SGCD: variants seen among roughly 807,000 people sequenced by gnomAD.
SGCD encodes the protein delta-sarcoglycan.
Under a neutral mutation model 36.6 loss-of-function variants are expected in SGCD, and 18 were observed. The ratio of observed to expected loss-of-function variants is 0.49; its 90% CI spans 0.34 to 0.73. The LOEUF is 0.73. Ranked by LOEUF, SGCD falls within the 30% of genes least tolerant of loss-of-function variation. The pLI, the probability that SGCD is intolerant of heterozygous loss-of-function variation, is 0.01. For missense variants in SGCD, 387 were observed against 346.7 expected, an observed-to-expected ratio of 1.12 and a Z score of -0.92; for synonymous variants, 133 against 130.6, an observed-to-expected ratio of 1.02 and a Z score of -0.12.
At chr5:156,564,448 TCAAAACAAAA>T (rs900672949) in intron 4 of SGCD, among the ~76,000 whole-genome samples, 1 of 152,056 alleles carries the variant, frequency 6.6e-6, no homozygotes, top group Non-Finnish European at 1.5e-5. Context: ...AGACTCCATC[TCAAAACAAAA>T]CAAAACAAAA....
chr5:155,917,249 G>A (rs1756764673), intron 1 of SGCD, among the ~76,000 whole-genome samples: 1 of 152,098 alleles, frequency 6.6e-6, no homozygotes, highest in Non-Finnish European at 1.5e-5. Context: ...ACCTAAAAGA[G>A]ATTACACTGA....
chr5:156,436,601 G>A (rs775587308), intron 3 of SGCD, among the ~76,000 whole-genome samples: 14 of 152,190 alleles, frequency 9.2e-5, no homozygotes, highest in Non-Finnish European at 1.6e-4. Context: ...GCTTGCCTAA[G>A]ATTACAAAGC....
chr5:156,341,124 C>T (rs572947741), intron 2 of SGCD, among the ~76,000 whole-genome samples: 29 of 152,184 alleles, frequency 1.9e-4, no homozygotes, highest in African/African-American at 6.7e-4. Context: ...GCAAAAGATC[C>T]AAGTTATAAT....
At chr5:156,303,300 T>C (rs1767106423) in intron 3 of SGCD, among the ~76,000 whole-genome samples, 1 of 152,114 alleles carries the variant, frequency 6.6e-6, no homozygotes, top group Non-Finnish European at 1.5e-5. Context: ...ACCATTGATG[T>C]TCACTCTAGG....
At chr5:156,353,014 G>T (rs1428999273) in intron 3 of SGCD, among the ~76,000 whole-genome samples, 2 of 152,202 alleles carry the variant, frequency 1.3e-5, no homozygotes, top group Non-Finnish European at 2.9e-5. Context: ...TCCACTGAGG[G>T]TCAGAGGAAG....
chr5:156,130,225 A>G (rs948941030), intron 3 of SGCD, among the ~76,000 whole-genome samples: 2 of 152,104 alleles, frequency 1.3e-5, no homozygotes, highest in Middle Eastern at 3.2e-3. Context: ...TTTGATTTGC[A>G]TTTCTCTAAT....
chr5:155,810,892 A>C, the SGCD span, among the ~76,000 whole-genome samples: 8 of 110,244 alleles, frequency 7.3e-5, no homozygotes, highest in African/African-American at 1.1e-4. Context: ...ATCTCGGCTC[A>C]CTGCAAGCTC....
intron 4 of SGCD, among the ~76,000 whole-genome samples, chr5:156,545,490 G>A (rs1758534750): frequency 6.8e-6 from 1 of 146,772 alleles, no homozygotes; most frequent in Non-Finnish European, 1.6e-5. Flanking sequence ...TGGGGGATGA[G>A]GGGGTAGTTG....
chr5:155,864,927 G>A, the SGCD span, among the ~76,000 whole-genome samples: 1 of 152,276 alleles, frequency 6.6e-6, no homozygotes, highest in East Asian at 1.9e-4. Flanking sequence ...TAGCTACCAG[G>A]ATCTATGCTG....
At chr5:156,559,244 T>C (rs907945819) in intron 4 of SGCD, among the ~76,000 whole-genome samples, 2 of 152,104 alleles carry the variant, frequency 1.3e-5, no homozygotes, top group African/African-American at 4.8e-5. Flanking sequence ...TGGGAGGTTT[T>C]CCATCATGAA....
chr5:156,454,086 T>TA (rs993600493), intron 3 of SGCD, among the ~76,000 whole-genome samples: 10 of 152,120 alleles, frequency 6.6e-5, no homozygotes, highest in Admixed American at 5.9e-4. Flanking sequence ...CATACTTTTT[T>TA]AAAAAAGTGT....
chr5:156,425,663 G>A (rs918443836), intron 3 of SGCD, among the ~76,000 whole-genome samples: 4 of 151,634 alleles, frequency 2.6e-5, no homozygotes, highest in African/African-American at 4.8e-5. Flanking sequence ...CCCATCACCC[G>A]AGCAGTGTAC....
At chr5:155,945,844 T>C (rs1217826491) in intron 1 of SGCD, among the ~76,000 whole-genome samples, 2 of 152,156 alleles carry the variant, frequency 1.3e-5, no homozygotes, top group Admixed American at 1.3e-4. Flanking sequence ...GAGCGACTTG[T>C]TGTGATTTGC....
At chr5:156,036,038 T>A (rs949009108) in intron 1 of SGCD, among the ~76,000 whole-genome samples, 1 of 152,186 alleles carries the variant, frequency 6.6e-6, no homozygotes, top group East Asian at 1.9e-4. Context: ...TCTAAATCCT[T>A]TAAAGGCTTT....
At chr5:155,872,866 T>C (rs575861325) in intron 1 of SGCD, among the ~76,000 whole-genome samples, 1 of 152,322 alleles carries the variant, frequency 6.6e-6, no homozygotes, top group East Asian at 1.9e-4. Flanking sequence ...TCGTTGTTAG[T>C]TGAAGTGTTT....
chr5:155,942,736 T>C (rs1276992334), intron 1 of SGCD, among the ~76,000 whole-genome samples: 1 of 152,156 alleles, frequency 6.6e-6, no homozygotes. Flanking sequence ...ATGTACAATA[T>C]GCAGGATACC....
chr5:155,931,739 G>A (rs915607079), intron 1 of SGCD, among the ~76,000 whole-genome samples: 2 of 152,182 alleles, frequency 1.3e-5, no homozygotes, highest in Admixed American at 6.5e-5. Context: ...TAGAAAGCCC[G>A]AGTTCGGATT....
intron 1 of SGCD, among the ~76,000 whole-genome samples, chr5:156,101,757 C>G (rs1052320348): frequency 6.6e-6 from 1 of 152,098 alleles, no homozygotes; most frequent in Admixed American, 6.6e-5. Context: ...TCTATATTTT[C>G]AGAGACTTTT....
rs148250112 is a variant in SGCD at position 156,646,556 on chromosome 5, A to G, written c.503-908A>G. 1.3e-4 allele frequency among the ~76,000 whole-genome samples: 20 copies of G among 152,324 alleles called. No homozygotes were observed. In the East Asian group the frequency reaches 3.9e-3, roughly 29 times the overall value. On this transcript the variant is annotated intron_variant, in intron 6 of 8. Transcript: ENST00000337851. ...ATATAATGGAGCATTTCTAGATGTT[A>G]TAACAATGTAAGAGGATTACAAAAA... is the stretch of plus-strand genomic sequence containing the variant.
Sources: gnomAD v4.1 joint callset for allele counts (sites outside exome capture counted in the v4.1 genomes callset) on GRCh38, gnomAD v4.1.1 for gene constraint, MANE v1.5 for transcripts, NCBI Gene and HGNC (gene_info 2026-07-23, HGNC 2026-07-21) for gene names.